The following HIVEP1 variants were observed in gnomAD, a reference collection of about 807,000 sequenced individuals.
HIVEP1 encodes the protein HIVEP zinc finger 1.
Under a neutral mutation model 180.0 loss-of-function variants are expected in HIVEP1, and 36 were observed. The observed-to-expected ratio is 0.20, with a 90% CI of 0.15 to 0.26. The LOEUF (loss-of-function observed/expected upper bound fraction) is 0.26, where lower values mean the gene tolerates loss of function less well. Ranked by LOEUF, HIVEP1 falls within the 10% of genes least tolerant of loss-of-function variation. HIVEP1 has a pLI of 1.00. For missense variants in HIVEP1, 3,143 were observed against 3,268.7 expected, an observed-to-expected ratio of 0.96 and a Z score of 0.94; for synonymous variants, 1,239 against 1,239.0, an observed-to-expected ratio of 1.00 and a Z score of 0.00.
At chr6:12,008,338 C>G (rs908814609), upstream of HIVEP1, 2 of 152,126 alleles carry the variant, frequency 1.3e-5, no homozygotes, top group Admixed American at 6.5e-5. Context: ...ATCTAAAACC[C>G]GAACAAAGCC....
intron 2 of HIVEP1, among the ~76,000 whole-genome samples, chr6:12,067,658 G>C (rs2113773376): frequency 6.6e-6 from 1 of 152,250 alleles, no homozygotes; most frequent in South Asian, 2.1e-4. Context: ...GTCCAGCTCT[G>C]TGCTGAGGAC....
At chr6:12,049,901 G>A (rs148299938) in intron 2 of HIVEP1, among the ~76,000 whole-genome samples, 48 of 152,182 alleles carry the variant, frequency 3.2e-4, no homozygotes, top group African/African-American at 1.1e-3. Context: ...GAACTGGTTT[G>A]TAACATTAAA....
At chr6:12,196,677 G>T in the HIVEP1 span, among the ~76,000 whole-genome samples, 21,564 of 152,122 alleles carry the variant, frequency 0.14, 1,972 homozygotes, top group Middle Eastern at 0.23. Context: ...GCTCTGAATT[G>T]TGATTTCCAT....
At chr6:12,068,695 A>C (rs1169675703) in intron 2 of HIVEP1, among the ~76,000 whole-genome samples, 1 of 152,218 alleles carries the variant, frequency 6.6e-6, no homozygotes, top group Non-Finnish European at 1.5e-5. Flanking sequence ...GCATATAAGC[A>C]AGCAGGCACT....
chr6:12,204,359 C>CTCCCTTCCCCGTCTTCCTCTTTTACCT, the HIVEP1 span, among the ~76,000 whole-genome samples: 41 of 2,936 alleles, frequency 0.014, no homozygotes, highest in Admixed American at 6.1e-3. Context: ...TTCAAGCTTC[C>CTCCCTTCCCCGTCTTCCTCTTTTACCT]TCCCTTCCCC....
intron 2 of HIVEP1, among the ~76,000 whole-genome samples, chr6:12,060,446 GTTTAAAAGTAAAAATATTT>G (rs1771152993): frequency 6.6e-6 from 1 of 152,112 alleles, no homozygotes; most frequent in Non-Finnish European, 1.5e-5. Context: ...TGATGATTTG[GTTTAAAAGTAAAAATATTT>G]TTTAAAACCT....
chr6:12,053,711 G>T (rs56999346), intron 2 of HIVEP1, among the ~76,000 whole-genome samples: 1 of 152,106 alleles, frequency 6.6e-6, no homozygotes, highest in Non-Finnish European at 1.5e-5. Flanking sequence ...TATATTTGGA[G>T]AGAAAAGAAA....
intron 7 of HIVEP1, among the ~76,000 whole-genome samples, chr6:12,143,572 A>G (rs1036218029): frequency 2.4e-4 from 36 of 152,190 alleles, no homozygotes; most frequent in African/African-American, 8.4e-4. Flanking sequence ...AGGGTGTTCA[A>G]TTAGGAAAAG....
chr6:12,164,205 A>G lies in HIVEP1; in HGVS notation c.7901A>G (p.Asp2634Gly). ...AGGCTTGATGGCCTGAGTAAAATGG[A>G]CACAGAGAAGGCTGCCTCGGCAAAT... ...HARLDGLSKM[D>G]TEKAASANHV... The change falls in exon 9 of 9, where the codon GAC (aspartate) becomes GGC (glycine). Residue 2634 changes from aspartate (D) to glycine (G), a missense_variant. Around this residue, in one of 12 missense-constraint regions of HIVEP1, gnomAD observed 595 missense variants for 602.2 expected, o/e 0.99. Transcript: ENST00000379388. 1.2e-6 allele frequency: 2 copies of G among 1,614,194 alleles called. No homozygotes were observed. Among genetic ancestry groups the G allele is most frequent in the Admixed American group, 1.7e-5 (1 of 60,024 alleles).
At chr6:12,061,236 A>G (rs767396886) in intron 2 of HIVEP1, among the ~76,000 whole-genome samples, 3 of 152,232 alleles carry the variant, frequency 2.0e-5, no homozygotes, top group African/African-American at 7.2e-5. Context: ...GCGATTTCCT[A>G]CACTTGATGT....
In HIVEP1 at chr6:12,041,447, C is replaced by T. The variant is rs964400653; in HGVS notation, c.40+25779C>T. On this transcript the variant is annotated intron_variant, in intron 2 of 8. Transcript: ENST00000379388. ...AAAAAAAAAAAAAAAAAAAAAAAGCCGGAGAAAGTGGGTTGCTAATATGGG... is the reference window on the plus strand; with the variant it reads ...AAAAAAAAAAAAAAAAAAAAAAAGCTGGAGAAAGTGGGTTGCTAATATGGG... Among the ~76,000 whole-genome samples the T allele has an allele frequency of 2.7e-4, 40 of 145,868 alleles. 1 individual carries two copies. Among genetic ancestry groups the T allele is most frequent in the African/African-American group, 6.5e-4 (26 of 39,956 alleles).
At chr6:12,161,955 ATTTCTTTTT>A in intron 8 of HIVEP1, 26 bp downstream of exon 8, 1 of 1,567,848 alleles carries the variant, frequency 6.4e-7, no homozygotes, top group African/African-American at 1.4e-5. Flanking sequence ...TTGTTCTTTT[ATTTCTTTTT>A]TCGTTTTAAC....
chr6:12,146,524 C>T (rs1268016426), intron 7 of HIVEP1, among the ~76,000 whole-genome samples: 2 of 152,196 alleles, frequency 1.3e-5, no homozygotes, highest in Admixed American at 6.5e-5. Context: ...AACTGTGCTA[C>T]TTGATACCTT....
upstream of HIVEP1, chr6:12,008,426 C>T (rs2113528699): frequency 6.6e-6 from 1 of 152,336 alleles, no homozygotes; most frequent in African/African-American, 2.4e-5. Flanking sequence ...TAGGAGGCCT[C>T]CCGCTGTGCG....
At chr6:12,046,213 T>C (rs76244745) in intron 2 of HIVEP1, among the ~76,000 whole-genome samples, 4,692 of 152,354 alleles carry the variant, frequency 0.031, 227 homozygotes, top group African/African-American at 0.11. Context: ...ACAAACACTT[T>C]GATATTCTAA....
At chr6:12,052,483 A>G (rs908321519) in intron 2 of HIVEP1, among the ~76,000 whole-genome samples, 2 of 152,216 alleles carry the variant, frequency 1.3e-5, no homozygotes, top group Non-Finnish European at 2.9e-5. Context: ...GTCAGTTTGG[A>G]AAATTTTGTA....
At chr6:12,023,964 T>C (rs1768418150) in intron 2 of HIVEP1, among the ~76,000 whole-genome samples, 1 of 152,224 alleles carries the variant, frequency 6.6e-6, no homozygotes, top group Non-Finnish European at 1.5e-5. Flanking sequence ...TAAAGTTGAT[T>C]CTTGTATTAT....
At chr6:12,015,807 G>A in intron 2 of HIVEP1, 139 bp downstream of exon 2, 1 of 686,176 alleles carries the variant, frequency 1.5e-6, no homozygotes, top group South Asian at 1.8e-5. Context: ...ATTTCCAGCA[G>A]TCCTGCACAA....
At chr6:12,190,532 T>C in the HIVEP1 span, among the ~76,000 whole-genome samples, 1 of 152,164 alleles carries the variant, frequency 6.6e-6, no homozygotes, top group Admixed American at 6.6e-5. Context: ...AACTCTTTTG[T>C]CCCAACTCTG....
Sources: gnomAD v4.1 joint callset for allele counts (sites outside exome capture counted in the v4.1 genomes callset) on GRCh38, gnomAD v4.1.1 for gene constraint, gnomAD v4.1.1 regional missense constraint, MANE v1.5 for transcripts, NCBI Gene and HGNC (gene_info 2026-07-23, HGNC 2026-07-21) for gene names.